The following NYAP2 variants were observed in gnomAD, a reference collection of about 807,000 sequenced individuals.
NYAP2 encodes neuronal tyrosine-phosphorylated phosphoinositide-3-kinase adapter 2.
In NYAP2, 23 loss-of-function variants were observed where a neutral mutation model predicts 50.4. The observed-to-expected ratio is 0.46, with a 90% CI of 0.33 to 0.65. The LOEUF (loss-of-function observed/expected upper bound fraction) is 0.65. Among genes scored for constraint, NYAP2 ranks in the 30% least tolerant of loss-of-function variants. The pLI, the probability that NYAP2 is intolerant of heterozygous loss-of-function variation, is 0.02. For synonymous variants in NYAP2, 394 were observed against 365.2 expected, an observed-to-expected ratio of 1.08 and a Z score of -0.90; for missense variants, 885 against 861.0, an observed-to-expected ratio of 1.03 and a Z score of -0.35.
At chr2:225,422,352 C>T (rs1695228689) in intron 3 of NYAP2, among the ~76,000 whole-genome samples, 1 of 152,174 alleles carries the variant, frequency 6.6e-6, no homozygotes, top group African/African-American at 2.4e-5. Flanking sequence ...TAGTCCAATT[C>T]AGGTAGATAA....
intron 3 of NYAP2, among the ~76,000 whole-genome samples, chr2:225,443,130 G>A (rs537814039): frequency 1.3e-5 from 2 of 152,264 alleles, no homozygotes; most frequent in South Asian, 2.1e-4. Flanking sequence ...GGGGATAATG[G>A]GAGCTACAAT....
intron 3 of NYAP2, among the ~76,000 whole-genome samples, chr2:225,496,526 A>T (rs567160465): frequency 6.6e-6 from 1 of 152,182 alleles, no homozygotes; most frequent in Non-Finnish European, 1.5e-5. Context: ...AAACTCTTTA[A>T]GAAAAAACTG....
At chr2:225,434,390 G>T (rs1689334444) in intron 3 of NYAP2, among the ~76,000 whole-genome samples, 1 of 152,188 alleles carries the variant, frequency 6.6e-6, no homozygotes, top group African/African-American at 2.4e-5. Context: ...TTTCAGTATT[G>T]GGGGACAAGA....
rs374944326 is a variant in NYAP2 at position 225,597,476 on chromosome 2, C to A, written c.1618+14441C>A. On this transcript the variant is annotated intron_variant, in intron 5 of 6. Transcript: ENST00000636099. ...TAAGTCACTGTGAATGCCATTATTTCATTCCTTTTTATGGCTAAATAGTAT... is the reference window on the plus strand; with the variant it reads ...TAAGTCACTGTGAATGCCATTATTTAATTCCTTTTTATGGCTAAATAGTAT... Among the ~76,000 whole-genome samples the A allele has an allele frequency of 4.6e-4, 41 of 88,544 alleles. No individual in the cohort carries two copies. The South Asian group carries it at 0.015, about 33-fold the overall frequency. The allele number at this position is 88,544 out of a possible 152,430, so 58.1% of individuals were successfully genotyped here. A position where few individuals can be genotyped will look rare whatever the true frequency, so the allele number is the denominator to read the frequency against.
intron 4 of NYAP2, among the ~76,000 whole-genome samples, chr2:225,567,226 A>T (rs1436990459): frequency 1.2e-4 from 19 of 152,278 alleles, no homozygotes; most frequent in Non-Finnish European, 2.9e-5. Context: ...AAAATATGGT[A>T]TTATAATCTT....
At chr2:225,678,467 T>C in the NYAP2 span, among the ~76,000 whole-genome samples, 4 of 152,050 alleles carry the variant, frequency 2.6e-5, no homozygotes, top group African/African-American at 7.2e-5. Flanking sequence ...AGCTGTGTGG[T>C]TGGATTGATC....
At chr2:225,500,816 G>C (rs1690591547) in intron 3 of NYAP2, among the ~76,000 whole-genome samples, 2 of 152,176 alleles carry the variant, frequency 1.3e-5, no homozygotes, top group African/African-American at 2.4e-5. Context: ...CAGGTTTCAA[G>C]AAAACTCATT....
intron 6 of NYAP2, among the ~76,000 whole-genome samples, chr2:225,632,635 G>T (rs752553670): frequency 1.1e-4 from 16 of 152,192 alleles, no homozygotes; most frequent in African/African-American, 3.9e-4. Flanking sequence ...TCCCCACAGG[G>T]TGATTCTTGA....
chr2:225,420,611 C>CTT (rs11356958), intron 3 of NYAP2, among the ~76,000 whole-genome samples: 191 of 142,188 alleles, frequency 1.3e-3, no homozygotes, highest in South Asian at 0.011. Context: ...CTTTTCTTTT[C>CTT]TTTTTTTTTT....
chr2:225,654,366 T>C (rs372139450), downstream of NYAP2, among the ~76,000 whole-genome samples: 40 of 152,130 alleles, frequency 2.6e-4, 1 homozygote, highest in South Asian at 7.7e-3. Flanking sequence ...AGGAAAATCA[T>C]TGGAATTCAT....
At chr2:225,629,431 G>A (rs867181528) in intron 6 of NYAP2, among the ~76,000 whole-genome samples, 1 of 152,164 alleles carries the variant, frequency 6.6e-6, no homozygotes, top group Non-Finnish European at 1.5e-5. Context: ...AGCTATCTGG[G>A]CATTCCTTAA....
At chr2:225,564,532 C>G (rs1440793829) in intron 4 of NYAP2, among the ~76,000 whole-genome samples, 2 of 151,686 alleles carry the variant, frequency 1.3e-5, no homozygotes, top group African/African-American at 4.8e-5. Flanking sequence ...CATAAAAGAC[C>G]AACTAAAGAG....
chr2:225,453,078 G>A (rs1339536131), intron 3 of NYAP2, among the ~76,000 whole-genome samples: 1 of 152,106 alleles, frequency 6.6e-6, no homozygotes, highest in South Asian at 2.1e-4. Flanking sequence ...TCAAATATAG[G>A]TGAATTCTAG....
intron 3 of NYAP2, among the ~76,000 whole-genome samples, chr2:225,455,262 A>G (rs902964419): frequency 6.6e-6 from 1 of 152,186 alleles, no homozygotes; most frequent in Non-Finnish European, 1.5e-5. Context: ...CTAAGTTCTG[A>G]TAGTTGGTTA....
chr2:225,615,596 C>G (rs112298157), intron 5 of NYAP2, among the ~76,000 whole-genome samples: 3 of 152,186 alleles, frequency 2.0e-5, no homozygotes, highest in African/African-American at 7.2e-5. Context: ...GTGTGTGTTC[C>G]CCTGTGTTAC....
chr2:225,592,749 G>T (rs1267723396), intron 5 of NYAP2, among the ~76,000 whole-genome samples: 16 of 152,032 alleles, frequency 1.1e-4, no homozygotes, highest in Non-Finnish European at 2.4e-4. Context: ...CACCTTTCTG[G>T]GGGTAGACCG....
chr2:225,581,325 G>A (rs569175500), intron 4 of NYAP2, among the ~76,000 whole-genome samples: 1 of 152,256 alleles, frequency 6.6e-6, no homozygotes, highest in South Asian at 2.1e-4. Flanking sequence ...ACAATACCTG[G>A]AGATTTAAAG....
chr2:225,456,832 GA>G (rs1166069922), intron 3 of NYAP2, among the ~76,000 whole-genome samples: 2 of 152,138 alleles, frequency 1.3e-5, no homozygotes, highest in African/African-American at 4.8e-5. Flanking sequence ...CACCTAAAGG[GA>G]AAGGAATGTG....
intron 5 of NYAP2, among the ~76,000 whole-genome samples, chr2:225,591,549 C>A (rs1692505241): frequency 6.6e-6 from 1 of 152,150 alleles, no homozygotes; most frequent in South Asian, 2.1e-4. Context: ...ACCTTCATGC[C>A]ATTTACTCTG....
Sources: allele counts gnomAD v4.1 joint callset (sites outside exome capture counted in the v4.1 genomes callset), GRCh38; gene constraint gnomAD v4.1.1; transcripts MANE v1.5; gene names NCBI Gene and HGNC (gene_info 2026-07-23, HGNC 2026-07-21).